DOT1L: variants seen among roughly 807,000 people sequenced by gnomAD.
The protein encoded by DOT1L is histone-lysine N-methyltransferase, H3 lysine-79 specific.
DOT1L carries 33 observed loss-of-function variants against 153.3 expected under a neutral mutation model. The observed-to-expected ratio is 0.22, with a 90% CI of 0.16 to 0.29. The LOEUF (loss-of-function observed/expected upper bound fraction) is 0.29. Ranked by LOEUF, DOT1L falls within the 10% of genes least tolerant of loss-of-function variation. The pLI, the probability that DOT1L is intolerant of heterozygous loss-of-function variation, is 1.00. For synonymous variants in DOT1L, 1,135 were observed against 965.1 expected (o/e 1.18, Z -3.26); for missense variants, 1,847 against 2,119.9 (o/e 0.87, Z 2.53).
chr19:2,214,310 G>T, intron 18 of DOT1L, 161 bp from the exon 19 acceptor site: 1 of 1,267,620 alleles, frequency 7.9e-7, no homozygotes, highest in Non-Finnish European at 1.1e-6. Flanking sequence ...CCCAGTCTCC[G>T]CGTGTTCCGC....
chr19:2,194,643 G>A, intron 7 of DOT1L, 66 bp downstream of exon 7: 1 of 1,534,058 alleles, frequency 6.5e-7, no homozygotes, highest in Non-Finnish European at 8.8e-7. Flanking sequence ...CCTCCTGTCA[G>A]CCCCTCCTTT....
At chr19:2,188,440 T>TGGCGGAGGACGGA (rs1414374727) in intron 3 of DOT1L, among the ~76,000 whole-genome samples, 2 of 84,844 alleles carry the variant, frequency 2.4e-5, no homozygotes, top group East Asian at 5.7e-4. Flanking sequence ...CACGTGGAGG[T>TGGCGGAGGACGGA]GGCGGAGGAC....
Position 2,165,827 on chromosome 19 carries a change from G to A in DOT1L, c.81+1562G>A, listed in dbSNP as rs544828194. On this transcript the variant is annotated intron_variant, in intron 1 of 27. Transcript: ENST00000398665. ...TCTGTCGCCAAAGCTGGAGTGCAGC[G>A]GCGCGATCTCGGCTCGCTGCAAGCT... Among the ~76,000 whole-genome samples the A allele has an allele frequency of 7.7e-4, 117 of 151,260 alleles. 2 individuals carry two copies. The highest frequency in any genetic ancestry group is 1.4e-3 in the Admixed American group (22 of 15,190).
At chr19:2,227,973 C>T (rs776947044) in intron 27 of DOT1L, 8 of 1,257,384 alleles carry the variant, frequency 6.4e-6, no homozygotes, top group South Asian at 1.3e-5. Context: ...CCCCGCGGGG[C>T]CGCCCGTCCT....
intron 25 of DOT1L, among the ~76,000 whole-genome samples, 169 bp from the exon 26 acceptor site, chr19:2,225,219 A>G (rs565288513): frequency 4.6e-5 from 7 of 152,242 alleles, no homozygotes; most frequent in African/African-American, 1.4e-4. Flanking sequence ...CCCAGGGCCC[A>G]GCCACCCAGT....
At chr19:2,202,877 C>A in intron 9 of DOT1L, 98 bp downstream of exon 9, 1 of 1,230,656 alleles carries the variant, frequency 8.1e-7, no homozygotes, top group Non-Finnish European at 1.2e-6. Flanking sequence ...GCAGCTCAGA[C>A]TTGGGGTCTT....
rs2144865202 is a variant in DOT1L at position 2,216,296 on chromosome 19, C to A, written c.1939C>A (p.Leu647Ile). The change falls in exon 20 of 28, where the codon CTA (leucine) becomes ATA (isoleucine). Residue 647 changes from leucine to isoleucine, a missense_variant. Coordinates refer to ENST00000398665, the MANE Select transcript of DOT1L (RefSeq NM_032482.3). Reference sequence around the variant, plus strand: ...CCTCCTGCAGATCAGCATTGTGGAGCTAGAGAAGAGCCAGCGGCAGCAGGA... The same window carrying A: ...CCTCCTGCAGATCAGCATTGTGGAGATAGAGAAGAGCCAGCGGCAGCAGGA... ...CLELQISIVE[L>I]EKSQRQQELL... 6.3e-7 allele frequency: 1 copy of A among 1,583,068 alleles called. No individual in the cohort carries two copies. Among genetic ancestry groups the A allele is most frequent in the African/African-American group, 1.3e-5 (1 of 74,486 alleles).
chr19:2,208,006 G>T lies in DOT1L; in HGVS notation c.963+326G>T, dbSNP rs2023570357. ...AGGGTCCCGGCCGCCATATCCAGAG[G>T]CCCCTGTGGATAGGAGTCCCACGTC... is the stretch of plus-strand genomic sequence containing the variant. On this transcript the variant is annotated intron_variant, in intron 11 of 27. Transcript: ENST00000398665. The surrounding 1 kb of genome is among the most constrained non-coding windows in gnomAD (Gnocchi z 4.4). Among the ~76,000 whole-genome samples the T allele has an allele frequency of 6.6e-6, 1 of 152,136 alleles. No individual in the cohort carries two copies. The highest frequency in any genetic ancestry group is 2.1e-4 in the South Asian group (1 of 4,820).
intron 8 of DOT1L, among the ~76,000 whole-genome samples, chr19:2,201,350 T>C (rs552728208): frequency 6.6e-5 from 10 of 151,914 alleles, no homozygotes; most frequent in African/African-American, 2.2e-4. Context: ...CCCGTCGTCC[T>C]CCCCGCTCCC....
At position 2,229,842 on chromosome 19, in the gene DOT1L, C is replaced by CG. The variant is rs1386596964; in HGVS notation, c.*51dup. On this transcript the variant is annotated 3_prime_UTR_variant, in exon 28 of 28. Coordinates refer to ENST00000398665, the MANE Select transcript of DOT1L (RefSeq NM_032482.3). The stretch of plus-strand genomic sequence containing the variant: ...TATGCAAGGACGGTGTGGACCAACT[C>CG]GCGCCCGCGGCATGGTGCCCGCCGG... The CG allele has an allele frequency of 1.2e-6, 2 of 1,612,294 alleles. No individual in the cohort carries two copies. The highest frequency in any genetic ancestry group is 1.7e-6 in the Non-Finnish European group (2 of 1,179,870).
chr19:2,184,805 T>C (rs2022415823), intron 2 of DOT1L, among the ~76,000 whole-genome samples: 1 of 152,194 alleles, frequency 6.6e-6, no homozygotes, highest in Non-Finnish European at 1.5e-5. Flanking sequence ...TGACTAATTT[T>C]AGAGTGAAGC....
In DOT1L at chr19:2,230,840, CAG is replaced by C. The variant is rs1453166131; in HGVS notation, c.*1051_*1052del. On this transcript the variant is annotated 3_prime_UTR_variant, in exon 28 of 28. Transcript: ENST00000398665. The stretch of plus-strand genomic sequence containing the variant: ...CAGTTGCAGCTCCCAGCAGCCCAGA[CAG>C]AGCTGCCGGCGCCCCTGCCTGCCCC... The C allele has an allele frequency of 1.1e-5, 4 of 364,716 alleles. No individual in the cohort carries two copies. Among genetic ancestry groups the C allele is most frequent in the African/African-American group, 8.3e-5 (4 of 48,116 alleles). The allele number at this position is 364,716 out of a possible 1,614,324, so 22.6% of individuals were successfully genotyped here. A position where few individuals can be genotyped will look rare whatever the true frequency, so the allele number is the denominator to read the frequency against.
At chr19:2,179,045 G>A (rs1396164071) in intron 1 of DOT1L, among the ~76,000 whole-genome samples, 1 of 152,108 alleles carries the variant, frequency 6.6e-6, no homozygotes, top group Non-Finnish European at 1.5e-5. Context: ...CCCCTATCTA[G>A]GCTGATCCCT....
chr19:2,210,412 G>T lies in DOT1L; in HGVS notation c.1018G>T (p.Ala340Ser). The T allele has an allele frequency of 6.5e-7, 1 of 1,542,148 alleles. No homozygotes were observed. The change falls in exon 13 of 28, where the codon GCA becomes TCA. Residue 340 changes from alanine (A) to serine (S), a missense_variant. By Grantham distance (99) the Ala-to-Ser change is moderately conservative. This residue lies in a region of DOT1L where 205 missense variants were observed against 203.1 expected (regional missense o/e 1.01). Transcript: ENST00000398665. ...GCTCTCCTTCCAGGAGGAACAGGAG[G>T]CAGCCCGGCGCCGCCAGCAGCGCGA... ...KNPKLREEQE[A>S]ARRRQQRESK...
At chr19:2,218,172 C>G (rs970183268) in intron 22 of DOT1L, among the ~76,000 whole-genome samples, 2 of 152,226 alleles carry the variant, frequency 1.3e-5, no homozygotes, top group Non-Finnish European at 2.9e-5. Context: ...TGAGGAGGAG[C>G]TCAGAGGCCC....
chr19:2,170,426 G>C (rs1007036023), intron 1 of DOT1L, among the ~76,000 whole-genome samples: 3 of 152,164 alleles, frequency 2.0e-5, no homozygotes, highest in African/African-American at 7.2e-5. Flanking sequence ...GGTGTAGGAA[G>C]GACCCAACAC....
chr19:2,202,556 G>T (rs190577839), intron 8 of DOT1L, 144 bp from the exon 9 acceptor site: 49 of 748,138 alleles, frequency 6.5e-5, no homozygotes, highest in Non-Finnish European at 1.0e-4. Context: ...CACGGCGTGC[G>T]CTCAGCTGCG....
intron 7 of DOT1L, 43 bp downstream of exon 7, chr19:2,194,620 C>T: frequency 1.3e-6 from 2 of 1,594,480 alleles, no homozygotes; most frequent in Non-Finnish European, 1.7e-6. Flanking sequence ...GCCGGCCCCA[C>T]CCCCGCTCCC....
chr19:2,211,138 C>T lies in DOT1L; in HGVS notation c.1391C>T (p.Pro464Leu), dbSNP rs1311105437. Residue 464 changes from proline (P) to leucine (L), a missense_variant, in exon 15 of 28, where the codon CCT becomes CTT. Pro to Leu is a moderately conservative substitution (Grantham distance 98). This residue lies in a region of DOT1L where 205 missense variants were observed against 203.1 expected (regional missense o/e 1.01). Transcript: ENST00000398665. ...CCTCACAGCCCGTTCTACCAGCTAC[C>T]TCCGAGCGTGCAGCGGCACTCCCCC... ...RSPHSPFYQL[P>L]PSVQRHSPNP... 1 of 1,613,114 alleles carries T rather than the reference C, an allele frequency of 6.2e-7. No homozygotes were observed. The highest frequency in any genetic ancestry group is 8.5e-7 in the Non-Finnish European group (1 of 1,179,808).
Sources: gnomAD v4.1 joint callset for allele counts (sites outside exome capture counted in the v4.1 genomes callset) on GRCh38, gnomAD v4.1.1 for gene constraint, gnomAD v4.1.1 regional missense constraint, Gnocchi (gnomAD v3.1) non-coding constraint, MANE v1.5 for transcripts, NCBI Gene and HGNC (gene_info 2026-07-23, HGNC 2026-07-21) for gene names.